Variants in PCA3 observed in about 807,000 individuals in gnomAD.
The protein encoded by PCA3 is prostate cancer associated 3, also known as Differential Display code 3.
rs568059241 is a variant in PCA3 at position 76,767,059 on chromosome 9, G to A, written n.852+30444G>A. Among the ~76,000 whole-genome samples the A allele has an allele frequency of 3.4e-4, 52 of 152,154 alleles. 1 individual carries two copies. In the South Asian group the frequency reaches 7.7e-3, roughly 23 times the overall value. On this transcript the variant is annotated intron_variant and non_coding_transcript_variant, in intron 2 of 5. Transcript: ENST00000644657. ...ATTCACTGCTGTATTCTGGTATAGCGTCTCCAACATACTTACTGATGAATA... is the reference window on the plus strand; with the variant it reads ...ATTCACTGCTGTATTCTGGTATAGCATCTCCAACATACTTACTGATGAATA...
chr9:76,771,995 C>G (rs897475287), intron 2 of PCA3, among the ~76,000 whole-genome samples: 1 of 152,176 alleles, frequency 6.6e-6, no homozygotes, highest in Non-Finnish European at 1.5e-5. Context: ...TGCACTACAG[C>G]AAATTTGCCT....
intron 2 of PCA3, among the ~76,000 whole-genome samples, chr9:76,773,438 CTTT>C (rs35078779): frequency 0.054 from 5,861 of 107,598 alleles, 282 homozygotes; most frequent in African/African-American, 0.19. Context: ...ACTAGTACAT[CTTT>C]TTTTTTTTTT....
At chr9:76,787,127 A>T (rs922343060) in intron 2 of PCA3, 4 of 152,106 alleles carry the variant, frequency 2.6e-5, no homozygotes, top group African/African-American at 9.7e-5. Context: ...AATTTTTTAA[A>T]CTTGCTGAAA....
intron 2 of PCA3, among the ~76,000 whole-genome samples, chr9:76,778,069 C>T (rs890087538): frequency 3.3e-5 from 5 of 152,174 alleles, no homozygotes; most frequent in African/African-American, 1.2e-4. Flanking sequence ...CTTGGCTGCA[C>T]ATTAGATTTA....
chr9:76,768,797 G>A (rs2052751138), intron 2 of PCA3, among the ~76,000 whole-genome samples: 1 of 151,982 alleles, frequency 6.6e-6, no homozygotes, highest in African/African-American at 2.4e-5. Context: ...CAAATCACTG[G>A]ACATTTGCAT....
At position 76,767,086 on chromosome 9, in the gene PCA3, A is replaced by G. The variant is rs149901244; in HGVS notation, n.852+30471A>G. ...CTCCAACATACTTACTGATGAATAAATATCTGTTTAACAAATAAACTCTCT... is the reference window on the plus strand; with the variant it reads ...CTCCAACATACTTACTGATGAATAAGTATCTGTTTAACAAATAAACTCTCT... On this transcript the variant is annotated intron_variant and non_coding_transcript_variant, in intron 2 of 5. Coordinates refer to ENST00000644657, the Ensembl canonical transcript of PCA3. Among the ~76,000 whole-genome samples the G allele has an allele frequency of 4.5e-3, 682 of 152,298 alleles. 2 individuals carry two copies. The highest frequency in any genetic ancestry group is 0.015 in the African/African-American group (641 of 41,568).
chr9:76,784,929 C>G (rs961623599), intron 2 of PCA3: 5 of 151,860 alleles, frequency 3.3e-5, no homozygotes, highest in African/African-American at 1.2e-4. Flanking sequence ...TTTTTTTAAC[C>G]TGGAAGAATT....
At chr9:76,783,294 G>A (rs558721572) in intron 2 of PCA3, among the ~76,000 whole-genome samples, 136 of 152,124 alleles carry the variant, frequency 8.9e-4, no homozygotes, top group Non-Finnish European at 1.6e-3. Context: ...GCACCAGCAC[G>A]CCCAGCTAAT....
At chr9:76,781,365 C>T (rs2054375628) in intron 2 of PCA3, among the ~76,000 whole-genome samples, 1 of 152,230 alleles carries the variant, frequency 6.6e-6, no homozygotes, top group Admixed American at 6.5e-5. Flanking sequence ...CCTACACTCA[C>T]TATGACACAT....
chr9:76,775,375 C>A (rs2053622171), intron 2 of PCA3, among the ~76,000 whole-genome samples: 1 of 152,174 alleles, frequency 6.6e-6, no homozygotes, highest in South Asian at 2.1e-4. Context: ...CAGTTCACTG[C>A]AGCCTTGACC....
intron 2 of PCA3, chr9:76,779,989 T>C (rs1355265898): frequency 2.0e-5 from 3 of 152,194 alleles, no homozygotes; most frequent in Non-Finnish European, 4.4e-5. Flanking sequence ...ATAGGAAGAT[T>C]CTCGTAACTA....
At chr9:76,784,663 G>A (rs1384921946) in intron 2 of PCA3, 1 of 152,160 alleles carries the variant, frequency 6.6e-6, no homozygotes, top group Non-Finnish European at 1.5e-5. Flanking sequence ...AAGACCCTTC[G>A]TGTTGCTGCC....
chr9:76,782,256 C>G (rs2054497414), intron 2 of PCA3, among the ~76,000 whole-genome samples: 1 of 152,054 alleles, frequency 6.6e-6, no homozygotes, highest in African/African-American at 2.4e-5. Context: ...CCTAAATGGT[C>G]TACAGGCCAC....
intron 2 of PCA3, among the ~76,000 whole-genome samples, chr9:76,772,602 C>T (rs541389645): frequency 2.6e-5 from 4 of 152,250 alleles, no homozygotes; most frequent in African/African-American, 7.2e-5. Flanking sequence ...TCTTGCTTGT[C>T]CCCCAGGCTG....
chr9:76,770,482 A>C (rs2052974873), intron 2 of PCA3, among the ~76,000 whole-genome samples: 1 of 152,184 alleles, frequency 6.6e-6, no homozygotes, highest in Non-Finnish European at 1.5e-5. Context: ...ATTGAAAAGG[A>C]CTCAGGATCT....
At chr9:76,773,775 G>GAATGTTTTTTTCCCTGTTC (rs2053392032) in intron 2 of PCA3, among the ~76,000 whole-genome samples, 1 of 152,182 alleles carries the variant, frequency 6.6e-6, no homozygotes, top group Non-Finnish European at 1.5e-5. Context: ...AGTAATGTAA[G>GAATGTTTTTTTCCCTGTTC]AATGTTTTTT....
intron 2 of PCA3, chr9:76,779,029 A>G (rs2054093298): frequency 6.6e-6 from 1 of 152,144 alleles, no homozygotes; most frequent in South Asian, 2.1e-4. Flanking sequence ...AAGTTTTAAC[A>G]TTTCTCCAGT....
At chr9:76,787,360 AT>A (rs756763173) in intron 2 of PCA3, 3 of 151,076 alleles carry the variant, frequency 2.0e-5, no homozygotes, top group East Asian at 3.9e-4. Flanking sequence ...ATTTATTTTT[AT>A]TGCTGACTTT....
At chr9:76,776,937 C>CAG (rs1374469131) in intron 2 of PCA3, among the ~76,000 whole-genome samples, 1,346 of 128,604 alleles carry the variant, frequency 0.01, 35 homozygotes, top group African/African-American at 0.031. Flanking sequence ...CACACACACA[C>CAG]ACACACACAA....
Sources: allele counts gnomAD v4.1 joint callset (sites outside exome capture counted in the v4.1 genomes callset), GRCh38; gene constraint gnomAD v4.1.1; transcripts MANE v1.5; gene names NCBI Gene and HGNC (gene_info 2026-07-23, HGNC 2026-07-21).